MMP26: variants seen among roughly 807,000 people sequenced by gnomAD.
MMP26 encodes matrix metalloproteinase-26.
A neutral mutation model predicts 31.0 loss-of-function variants in MMP26; 33 were observed. The ratio of observed to expected loss-of-function variants is 1.06; its 90% confidence interval spans 0.81 to 1.42. The LOEUF (loss-of-function observed/expected upper bound fraction) is 1.42, where lower values mean the gene tolerates loss of function less well. Ranked by LOEUF, MMP26 falls within the 40% of genes most tolerant of loss-of-function variation. The pLI is 0.00. For synonymous variants in MMP26, 122 were observed against 114.9 expected, an observed-to-expected ratio of 1.06 and a Z score of -0.40; for missense variants, 347 against 316.1, an observed-to-expected ratio of 1.10 and a Z score of -0.74.
At chr11:4,710,856 G>A (rs4284391) in intron 1 of MMP26, 136,891 of 164,416 alleles carry the variant, frequency 0.83, 57,264 homozygotes, top group African/African-American at 0.9. Flanking sequence ...CTCATGTAAC[G>A]TAGATCAGTA....
At chr11:4,948,360 T>G (rs911789132) in intron 2 of MMP26, among the ~76,000 whole-genome samples, 3 of 124,812 alleles carry the variant, frequency 2.4e-5, no homozygotes, top group African/African-American at 8.1e-5. Flanking sequence ...TTCATTTTAC[T>G]GATGAAGAAA....
rs563692431 is a variant in MMP26 at position 4,928,039 on chromosome 11, G to A, written c.-144-60029G>A. Among the ~76,000 whole-genome samples the A allele has an allele frequency of 1.5e-3, 229 of 148,558 alleles. 1 individual carries two copies. Among genetic ancestry groups the A allele is most frequent in the Middle Eastern group, 7.0e-3 (2 of 284 alleles). ...CAGGCCTGAAGACCAGTATTGTGGC[G>A]TGTGGGGAGAGGGTCGAGGGGGGAG... On this transcript the variant is annotated intron_variant, in intron 2 of 7. Coordinates refer to ENST00000380390, the MANE Select transcript of MMP26 (RefSeq NM_021801.5).
At chr11:4,740,938 A>G (rs1343552266) in intron 1 of MMP26, among the ~76,000 whole-genome samples, 9 of 152,184 alleles carry the variant, frequency 5.9e-5, no homozygotes, top group Admixed American at 4.6e-4. Context: ...TGAAAGGACA[A>G]TATTAGCTTT....
At chr11:4,954,190 T>C (rs1332260634) in intron 2 of MMP26, among the ~76,000 whole-genome samples, 1 of 103,978 alleles carries the variant, frequency 9.6e-6, no homozygotes, top group East Asian at 2.7e-4. Flanking sequence ...GGCAGGGAAC[T>C]TAGCAATATT....
chr11:4,741,482 G>T (rs1448269616), intron 1 of MMP26, among the ~76,000 whole-genome samples: 1 of 152,162 alleles, frequency 6.6e-6, no homozygotes, highest in Non-Finnish European at 1.5e-5. Flanking sequence ...AAAGGAATGA[G>T]ATCATGTCCT....
At chr11:4,806,593 C>G (rs1392009260) in intron 2 of MMP26, among the ~76,000 whole-genome samples, 1 of 152,086 alleles carries the variant, frequency 6.6e-6, no homozygotes, top group Non-Finnish European at 1.5e-5. Context: ...TCCTCCATCC[C>G]TTTATTTTGA....
chr11:4,717,198 G>T (rs547937582), intron 1 of MMP26, among the ~76,000 whole-genome samples: 1 of 152,132 alleles, frequency 6.6e-6, no homozygotes, highest in Non-Finnish European at 1.5e-5. Context: ...CTTATTATTT[G>T]TTTGTTTGCA....
intron 1 of MMP26, among the ~76,000 whole-genome samples, chr11:4,744,613 C>T (rs1035032214): frequency 5.3e-5 from 8 of 152,100 alleles, no homozygotes; most frequent in East Asian, 1.9e-4. Flanking sequence ...TCATTTACCT[C>T]GCCCCACAAA....
chr11:4,725,615 T>C (rs1848088535), intron 1 of MMP26, among the ~76,000 whole-genome samples: 1 of 152,220 alleles, frequency 6.6e-6, no homozygotes, highest in African/African-American at 2.4e-5. Flanking sequence ...GGGGTTCTCA[T>C]CATAAGACTT....
chr11:4,964,370 TC>T (rs1846562086), intron 2 of MMP26, among the ~76,000 whole-genome samples: 1 of 152,174 alleles, frequency 6.6e-6, no homozygotes, highest in Admixed American at 6.5e-5. Flanking sequence ...AAATAAGGAA[TC>T]CTTTCCCCAT....
At chr11:4,916,525 T>A (rs967322053) in intron 2 of MMP26, among the ~76,000 whole-genome samples, 1 of 152,196 alleles carries the variant, frequency 6.6e-6, no homozygotes, top group Non-Finnish European at 1.5e-5. Context: ...TTTAGTTTTT[T>A]TCTTTCTTTC....
At chr11:4,837,028 C>A (rs1849728897) in intron 2 of MMP26, among the ~76,000 whole-genome samples, 1 of 152,004 alleles carries the variant, frequency 6.6e-6, no homozygotes, top group African/African-American at 2.4e-5. Context: ...TTAAATAATA[C>A]TACCTGTATT....
chr11:4,807,156 A>C (rs1250935320), intron 2 of MMP26, among the ~76,000 whole-genome samples: 2 of 152,196 alleles, frequency 1.3e-5, no homozygotes, highest in African/African-American at 4.8e-5. Flanking sequence ...GTGTCTTTAG[A>C]GTAGCATGAT....
At chr11:4,709,226 TG>T (rs1564891444) in intron 1 of MMP26, among the ~76,000 whole-genome samples, 1 of 152,174 alleles carries the variant, frequency 6.6e-6, no homozygotes, top group Non-Finnish European at 1.5e-5. Context: ...CATCTGCCCG[TG>T]TACATACAGT....
chr11:4,896,784 A>G (rs1169751728), intron 2 of MMP26, among the ~76,000 whole-genome samples: 1 of 152,228 alleles, frequency 6.6e-6, no homozygotes, highest in African/African-American at 2.4e-5. Flanking sequence ...AACAAGTAAC[A>G]TTAAAAAAGA....
At chr11:4,877,755 G>A (rs967180838) in intron 2 of MMP26, 3 of 152,022 alleles carry the variant, frequency 2.0e-5, no homozygotes, top group Non-Finnish European at 4.4e-5. Context: ...AGTAGCTGCC[G>A]TATCAAATAG....
chr11:4,888,448 T>C (rs1324500959), intron 2 of MMP26, among the ~76,000 whole-genome samples: 1 of 152,146 alleles, frequency 6.6e-6, no homozygotes, highest in East Asian at 1.9e-4. Flanking sequence ...TAGATAGTAA[T>C]TTAAAATATC....
At chr11:4,825,897 C>G (rs1216711663) in intron 2 of MMP26, among the ~76,000 whole-genome samples, 2 of 151,958 alleles carry the variant, frequency 1.3e-5, no homozygotes, top group Non-Finnish European at 2.9e-5. Context: ...AGGGTTCAAT[C>G]AAAAGACAGA....
At chr11:4,898,239 C>G (rs569565802) in intron 2 of MMP26, among the ~76,000 whole-genome samples, 50 of 152,066 alleles carry the variant, frequency 3.3e-4, no homozygotes, top group African/African-American at 1.2e-3. Context: ...AAAGATAATT[C>G]TATTGTTTTA....
Sources: gnomAD v4.1 joint callset for allele counts (sites outside exome capture counted in the v4.1 genomes callset) on GRCh38, gnomAD v4.1.1 for gene constraint, MANE v1.5 for transcripts, NCBI Gene and HGNC (gene_info 2026-07-23, HGNC 2026-07-21) for gene names.